Variants in SAMD3 observed in about 807,000 individuals in gnomAD.
SAMD3 encodes the protein sterile alpha motif domain-containing protein 3.
A neutral mutation model predicts 58.5 loss-of-function variants in SAMD3; 63 were observed. That is an observed-to-expected ratio of 1.08 (90% confidence interval 0.88 to 1.33). The LOEUF (loss-of-function observed/expected upper bound fraction) is 1.33. SAMD3 is among the 40% of genes most tolerant of loss of function. The pLI is 0.00. For missense variants in SAMD3, 604 were observed against 608.4 expected (o/e 0.99, Z 0.08); for synonymous variants, 220 against 210.3 (o/e 1.05, Z -0.40).
intron 2 of SAMD3, 31 bp from the exon 3 acceptor site, chr6:130,215,325 G>C (rs915940372): frequency 7.0e-7 from 1 of 1,419,434 alleles, no homozygotes; most frequent in African/African-American, 1.6e-5. Context: ...GAATTCTCCA[G>C]CTTTTCTTTC....
intron 2 of SAMD3, among the ~76,000 whole-genome samples, chr6:130,285,771 A>T (rs1405141502): frequency 6.6e-6 from 1 of 152,260 alleles, no homozygotes; most frequent in Non-Finnish European, 1.5e-5. Context: ...AGTTAAAGGA[A>T]ATGTGTGTTG....
At chr6:130,285,756 T>C (rs1230839291) in intron 2 of SAMD3, among the ~76,000 whole-genome samples, 2 of 152,252 alleles carry the variant, frequency 1.3e-5, no homozygotes, top group African/African-American at 4.8e-5. Flanking sequence ...GTCCATCTTA[T>C]TCCCAGTTAA....
At chr6:130,245,395 C>T (rs1380354724) in intron 2 of SAMD3, among the ~76,000 whole-genome samples, 1 of 152,096 alleles carries the variant, frequency 6.6e-6, no homozygotes, top group Non-Finnish European at 1.5e-5. Context: ...TTTCAGGGTG[C>T]CATGTGTTTC....
Position 130,265,307 on chromosome 6 carries a change from G to A in SAMD3, c.-187-42494C>T, listed in dbSNP as rs57761639. Among the ~76,000 whole-genome samples the A allele has an allele frequency of 4.2e-3, 644 of 152,300 alleles. 5 individuals are homozygous for A. Among genetic ancestry groups the A allele is most frequent in the African/African-American group, 0.014 (583 of 41,564 alleles). On this transcript the variant is annotated intron_variant, in intron 2 of 13. Coordinates refer to the SAMD3 transcript ENST00000368134. ...AACAGCAGTAGACTGAGAGCTGTAC[G>A]TGGATGGGAGCAGCTTCACCAACCC...
At chr6:130,246,055 C>G (rs1773533342) in intron 2 of SAMD3, among the ~76,000 whole-genome samples, 1 of 152,006 alleles carries the variant, frequency 6.6e-6, no homozygotes, top group Non-Finnish European at 1.5e-5. Context: ...CAGCCATTCC[C>G]CCAGTTGCAA....
intron 5 of SAMD3, among the ~76,000 whole-genome samples, chr6:130,204,216 A>G (rs139850068): frequency 6.6e-6 from 1 of 152,284 alleles, no homozygotes; most frequent in African/African-American, 2.4e-5. Flanking sequence ...CTGTTTATCT[A>G]CTTTCATGCC....
At chr6:130,177,228 C>T (rs749896286) in intron 7 of SAMD3, among the ~76,000 whole-genome samples, 36 of 152,042 alleles carry the variant, frequency 2.4e-4, no homozygotes, top group Admixed American at 1.2e-3. Flanking sequence ...TGCTACTGTT[C>T]GGGAGATTGG....
chr6:130,210,687 A>G (rs559572419), intron 4 of SAMD3, among the ~76,000 whole-genome samples: 3 of 152,212 alleles, frequency 2.0e-5, no homozygotes, highest in Admixed American at 2.0e-4. Context: ...AGCTAAAGGC[A>G]TTCCAAAATT....
At chr6:130,168,400 A>G (rs954267887) in intron 8 of SAMD3, among the ~76,000 whole-genome samples, 18 of 152,108 alleles carry the variant, frequency 1.2e-4, no homozygotes, top group African/African-American at 4.1e-4. Context: ...ATGCAACTGC[A>G]CTCCAGCCTG....
chr6:130,252,654 T>G (rs1033882156), intron 2 of SAMD3, among the ~76,000 whole-genome samples: 1 of 152,158 alleles, frequency 6.6e-6, no homozygotes, highest in Admixed American at 6.5e-5. Flanking sequence ...AGTAGAAACT[T>G]GAAAGGGTTT....
intron 1 of SAMD3, among the ~76,000 whole-genome samples, chr6:130,219,732 T>C (rs922603060): frequency 6.6e-6 from 1 of 152,228 alleles, no homozygotes; most frequent in Non-Finnish European, 1.5e-5. Flanking sequence ...CACTTGTTGA[T>C]TGATGGGGTT....
intron 1 of SAMD3, among the ~76,000 whole-genome samples, chr6:130,356,266 G>A (rs1458992448): frequency 1.3e-5 from 2 of 152,096 alleles, no homozygotes; most frequent in African/African-American, 4.8e-5. Flanking sequence ...AGGGCCGTCT[G>A]GTTGGTCCCT....
chr6:130,234,584 T>C (rs560530294), intron 2 of SAMD3, among the ~76,000 whole-genome samples: 1 of 152,272 alleles, frequency 6.6e-6, no homozygotes, highest in East Asian at 1.9e-4. Context: ...AGAAGTTACA[T>C]GTCCTGGATC....
chr6:130,346,985 T>G (rs1022218409), intron 1 of SAMD3, among the ~76,000 whole-genome samples: 17 of 152,182 alleles, frequency 1.1e-4, no homozygotes, highest in Admixed American at 2.6e-4. Flanking sequence ...GGAGTGGACC[T>G]CCAGCAAACT....
intron 2 of SAMD3, among the ~76,000 whole-genome samples, chr6:130,310,189 T>C (rs2114987187): frequency 6.6e-6 from 1 of 152,324 alleles, no homozygotes; most frequent in South Asian, 2.1e-4. Flanking sequence ...GTTTCAACTG[T>C]TTCAAAGAAT....
At chr6:130,338,998 C>A (rs1210453173) in intron 1 of SAMD3, among the ~76,000 whole-genome samples, 1 of 151,992 alleles carries the variant, frequency 6.6e-6, no homozygotes, top group Non-Finnish European at 1.5e-5. Flanking sequence ...GGGCCAGGGG[C>A]AGAATGATAT....
chr6:130,196,810 C>T (rs1477319072), intron 5 of SAMD3, among the ~76,000 whole-genome samples: 1 of 152,228 alleles, frequency 6.6e-6, no homozygotes, highest in Non-Finnish European at 1.5e-5. Context: ...TAGGTAGACA[C>T]TTTCACTGGA....
chr6:130,228,419 A>G (rs942840167), intron 2 of SAMD3, among the ~76,000 whole-genome samples: 1 of 152,186 alleles, frequency 6.6e-6, no homozygotes, highest in Non-Finnish European at 1.5e-5. Flanking sequence ...ACAAAATGGA[A>G]TTTGGGAGAA....
intron 5 of SAMD3, among the ~76,000 whole-genome samples, chr6:130,193,707 G>A (rs955442594): frequency 3.6e-4 from 55 of 152,050 alleles, no homozygotes; most frequent in African/African-American, 1.0e-3. Flanking sequence ...CTGCAATGCC[G>A]CTTGACCCCA....
Sources: gnomAD v4.1 joint callset for allele counts (sites outside exome capture counted in the v4.1 genomes callset) on GRCh38, gnomAD v4.1.1 for gene constraint, MANE v1.5 for transcripts, NCBI Gene and HGNC (gene_info 2026-07-23, HGNC 2026-07-21) for gene names.